The following CSF1R variants were observed in gnomAD, a reference collection of about 807,000 sequenced individuals.
CSF1R encodes colony stimulating factor 1 receptor.
A neutral mutation model predicts 110.0 loss-of-function variants in CSF1R; 40 were observed. The ratio of observed to expected loss-of-function variants is 0.36; its 90% CI spans 0.28 to 0.47. The LOEUF (loss-of-function observed/expected upper bound fraction) is 0.47, where lower values mean the gene tolerates loss of function less well. CSF1R is among the 20% of genes least tolerant of loss of function. CSF1R has a pLI of 0.99. For synonymous variants in CSF1R, 523 were observed against 503.4 expected (o/e 1.04, Z -0.52); for missense variants, 1,052 against 1,253.0 (o/e 0.84, Z 2.42).
At chr5:150,070,896 G>A (rs934232621) in intron 6 of CSF1R, among the ~76,000 whole-genome samples, 1 of 152,212 alleles carries the variant, frequency 6.6e-6, no homozygotes, top group Non-Finnish European at 1.5e-5. Flanking sequence ...CATGAAAGCT[G>A]CAATCCCTGC....
intron 10 of CSF1R, among the ~76,000 whole-genome samples, chr5:150,065,201 C>T (rs1757707482): frequency 6.6e-6 from 1 of 152,164 alleles, no homozygotes; most frequent in Non-Finnish European, 1.5e-5. Flanking sequence ...GGTCCCCTCC[C>T]CATCTAGGCC....
At chr5:150,084,363 G>T (rs1205573735) in intron 1 of CSF1R, among the ~76,000 whole-genome samples, 1 of 52,374 alleles carries the variant, frequency 1.9e-5, no homozygotes. Flanking sequence ...AAGAAAGAAA[G>T]AAAGAAAGAA....
chr5:150,068,785 C>G (rs1232334596), intron 9 of CSF1R, among the ~76,000 whole-genome samples: 1 of 152,240 alleles, frequency 6.6e-6, no homozygotes, highest in Admixed American at 6.5e-5. Context: ...TGGAATCATA[C>G]AGCCCTTCTG....
intron 10 of CSF1R, 68 bp from the exon 11 acceptor site, chr5:150,061,917 C>T (rs945701818): frequency 6.2e-7 from 1 of 1,606,598 alleles, no homozygotes; most frequent in Non-Finnish European, 8.5e-7. Context: ...TGTTTCTGAC[C>T]CCCAAGAGCA....
At chr5:150,071,895 G>A (rs1758050004) in intron 6 of CSF1R, among the ~76,000 whole-genome samples, 2 of 152,200 alleles carry the variant, frequency 1.3e-5, no homozygotes, top group Admixed American at 1.3e-4. Context: ...CATCCTTGTT[G>A]CTTCTGACAA....
intron 5 of CSF1R, among the ~76,000 whole-genome samples, chr5:150,076,000 G>A (rs958339201): frequency 1.3e-5 from 2 of 152,180 alleles, no homozygotes; most frequent in African/African-American, 4.8e-5. Context: ...TTCAACACAT[G>A]AGGCACGGCC....
At chr5:150,102,229 G>A (rs78856963) in intron 1 of CSF1R, among the ~76,000 whole-genome samples, 1,635 of 152,242 alleles carry the variant, frequency 0.011, 21 homozygotes, top group African/African-American at 0.038. Flanking sequence ...TAAGAAGGCC[G>A]TGAGGATGTG....
At chr5:150,113,095 C>T (rs1759776663) in intron 1 of CSF1R, among the ~76,000 whole-genome samples, 1 of 152,144 alleles carries the variant, frequency 6.6e-6, no homozygotes, top group South Asian at 2.1e-4. Flanking sequence ...TGTGTTGCTG[C>T]CGGGGTCCCA....
At chr5:150,091,602 T>TG (rs2113852389) in intron 1 of CSF1R, among the ~76,000 whole-genome samples, 1 of 152,280 alleles carries the variant, frequency 6.6e-6, no homozygotes, top group East Asian at 1.9e-4. Flanking sequence ...CCAGGGGATG[T>TG]GGCAAGGGAG....
upstream of CSF1R, among the ~76,000 whole-genome samples, chr5:150,089,399 A>C (rs1758963717): frequency 6.6e-6 from 1 of 152,256 alleles, no homozygotes. Flanking sequence ...CAACATACGT[A>C]ACTCTATAGT....
chr5:150,085,281 A>AAAAAAAAAAAAAAAAAG lies in CSF1R; in HGVS notation c.49+1097_49+1098insCTTTTTTTTTTTTTTTT, dbSNP rs1446888213. Among the ~76,000 whole-genome samples the AAAAAAAAAAAAAAAAAG allele has an allele frequency of 1.3e-5, 2 of 149,584 alleles. 1 individual carries two copies. Among genetic ancestry groups the AAAAAAAAAAAAAAAAAG allele is most frequent in the Non-Finnish European group, 3.0e-5 (2 of 67,456 alleles). On this transcript the variant is annotated intron_variant, in intron 1 of 20. Transcript: ENST00000675795. ...CAGAGAGAGACTCTGTCTCAGGAAA[A>AAAAAAAAAAAAAAAAAG]AAAAAAAAAAAACCCAAATACTCAA...
Position 150,053,340 on chromosome 5 carries a change from G to A in CSF1R, c.*729C>T, listed in dbSNP as rs748394194. On this transcript the variant is annotated 3_prime_UTR_variant, in exon 21 of 21. Transcript: ENST00000675795. The stretch of plus-strand genomic sequence containing the variant: ...AATGTGGACAGAGACATCCCACGGC[G>A]TGACTGTTAGTTAGGATGAGTCAGC... The A allele has an allele frequency of 9.4e-5, 22 of 233,598 alleles. No homozygotes were observed. Among genetic ancestry groups the A allele is most frequent in the Middle Eastern group, 1.2e-3 (1 of 808 alleles). The allele number at this position is 233,598 out of a possible 1,614,324, so 14.5% of individuals were successfully genotyped here.
intron 19 of CSF1R, chr5:150,054,949 A>C (rs983914588): frequency 1.4e-5 from 5 of 366,604 alleles, no homozygotes; most frequent in South Asian, 3.2e-5. Flanking sequence ...ATGATTGCAC[A>C]CATCACTGCG....
intron 1 of CSF1R, 125 bp from the exon 2 acceptor site, chr5:150,081,149 C>G: frequency 9.5e-7 from 1 of 1,051,076 alleles, no homozygotes; most frequent in Non-Finnish European, 1.4e-6. Context: ...CCACCTTGAA[C>G]GAGCCCCTGC....
At chr5:150,098,997 G>A (rs907419612) in intron 1 of CSF1R, among the ~76,000 whole-genome samples, 2 of 148,988 alleles carry the variant, frequency 1.3e-5, no homozygotes, top group South Asian at 2.1e-4. Context: ...AGGTTCAAGC[G>A]ATTCTCCTGC....
chr5:150,084,371 G>GAAAGAAAGAAAGAAAGAAAGAAAGA, intron 1 of CSF1R, among the ~76,000 whole-genome samples: 1 of 41,452 alleles, frequency 2.4e-5, no homozygotes, highest in Non-Finnish European at 4.4e-5. Flanking sequence ...AAGAAAGAAA[G>GAAAGAAAGAAAGAAAGAAAGAAAGA]AAAGAAAGAA....
chr5:150,105,818 C>T (rs1409698084), intron 1 of CSF1R, among the ~76,000 whole-genome samples: 1 of 152,246 alleles, frequency 6.6e-6, no homozygotes, highest in African/African-American at 2.4e-5. Flanking sequence ...TGAGCCACCA[C>T]ACTGGACTCC....
At chr5:150,069,279 T>C (rs1399141811) in intron 9 of CSF1R, among the ~76,000 whole-genome samples, 1 of 152,114 alleles carries the variant, frequency 6.6e-6, no homozygotes, top group Non-Finnish European at 1.5e-5. Context: ...TGTGGGCCTC[T>C]GAGAATCACA....
chr5:150,079,262 C>T (rs1434420450), intron 3 of CSF1R, among the ~76,000 whole-genome samples: 1 of 152,166 alleles, frequency 6.6e-6, no homozygotes, highest in Non-Finnish European at 1.5e-5. Context: ...TCCTTTGACC[C>T]CCTGGGCAGG....
Sources: gnomAD v4.1 joint callset for allele counts (sites outside exome capture counted in the v4.1 genomes callset) on GRCh38, gnomAD v4.1.1 for gene constraint, MANE v1.5 for transcripts, NCBI Gene and HGNC (gene_info 2026-07-23, HGNC 2026-07-21) for gene names.